BCL9: variants seen among roughly 807,000 people sequenced by gnomAD.
BCL9 encodes B-cell CLL/lymphoma 9 protein.
Under a neutral mutation model 88.5 loss-of-function variants are expected in BCL9, and 25 were observed. The observed-to-expected ratio is 0.28, with a 90% CI of 0.21 to 0.39. The LOEUF is 0.39. BCL9 is among the 10% of genes least tolerant of loss of function. The pLI is 1.00. For synonymous variants in BCL9, 711 were observed against 673.3 expected (o/e 1.06, Z -0.87); for missense variants, 1,817 against 1,877.8 (o/e 0.97, Z 0.60).
At chr1:147,548,975 CTTTCTTT>C (rs1654747106) in intron 1 of BCL9, among the ~76,000 whole-genome samples, 1 of 59,260 alleles carries the variant, frequency 1.7e-5, no homozygotes, top group Non-Finnish European at 3.1e-5. Flanking sequence ...CCTTTTCTTT[CTTTCTTT>C]TTTTTTTTTT....
At chr1:147,558,949 C>A (rs145005255) in intron 1 of BCL9, among the ~76,000 whole-genome samples, 1 of 152,158 alleles carries the variant, frequency 6.6e-6, no homozygotes, top group Non-Finnish European at 1.5e-5. Context: ...TCCTCCTCCC[C>A]CTACTTCATC....
chr1:147,585,379 T>C (rs1656555623), intron 1 of BCL9, among the ~76,000 whole-genome samples: 1 of 151,974 alleles, frequency 6.6e-6, no homozygotes, highest in African/African-American at 2.4e-5. Flanking sequence ...ACCTCAGGGG[T>C]GTGACATGTG....
intron 1 of BCL9, among the ~76,000 whole-genome samples, chr1:147,602,817 A>G (rs894161368): frequency 6.6e-6 from 1 of 152,188 alleles, no homozygotes; most frequent in South Asian, 2.1e-4. Context: ...GTGGGGGGAA[A>G]AGAATACAGA....
At chr1:147,555,504 A>T (rs1280886863) in intron 1 of BCL9, among the ~76,000 whole-genome samples, 2 of 152,246 alleles carry the variant, frequency 1.3e-5, no homozygotes, top group Non-Finnish European at 2.9e-5. Context: ...TTAATAACTA[A>T]CGATTTAGTT....
chr1:147,559,127 T>TC (rs1655252785), intron 1 of BCL9, among the ~76,000 whole-genome samples: 1 of 54,058 alleles, frequency 1.8e-5, no homozygotes, highest in South Asian at 8.8e-4. Flanking sequence ...TCTTTCTTCT[T>TC]CTTTTTTTTT....
chr1:147,607,386 A>G (rs1657773230), intron 3 of BCL9, among the ~76,000 whole-genome samples: 1 of 152,232 alleles, frequency 6.6e-6, no homozygotes. Context: ...TAGGCACTAT[A>G]GTAATTGCTG....
At chr1:147,623,013 C>A (rs1658724108) in intron 9 of BCL9, among the ~76,000 whole-genome samples, 1 of 151,786 alleles carries the variant, frequency 6.6e-6, no homozygotes, top group Non-Finnish European at 1.5e-5. Flanking sequence ...CTTCCCTTCC[C>A]TACACATTCG....
rs587706189 is a variant in BCL9 at position 147,551,123 on chromosome 1, A to C, written c.-478+9449A>C. 5.9e-5 allele frequency among the ~76,000 whole-genome samples: 9 copies of C among 152,348 alleles called. No individual in the cohort carries two copies. The East Asian group carries it at 1.7e-3, about 29-fold the overall frequency. ...ATTGAGTATTTGCTATGTGCCACAC[A>C]CTGAGCTAAACTCTTCCAGGCATTG... On this transcript the variant is annotated intron_variant, in intron 1 of 9. Transcript: ENST00000234739.
chr1:147,543,126 T>C (rs1025005959), intron 1 of BCL9, among the ~76,000 whole-genome samples: 1 of 152,232 alleles, frequency 6.6e-6, no homozygotes, highest in Non-Finnish European at 1.5e-5. Flanking sequence ...CTTAACAATT[T>C]TTTTTGAGGA....
chr1:147,572,349 G>A (rs1553197523), intron 1 of BCL9, among the ~76,000 whole-genome samples: 1 of 152,232 alleles, frequency 6.6e-6, no homozygotes, highest in Non-Finnish European at 1.5e-5. Flanking sequence ...TGGGGTATAA[G>A]ACTAAAGTCC....
intron 3 of BCL9, among the ~76,000 whole-genome samples, chr1:147,609,506 G>A (rs1306144512): frequency 6.6e-6 from 1 of 152,206 alleles, no homozygotes; most frequent in African/African-American, 2.4e-5. Flanking sequence ...CCTGGAAGAA[G>A]CCATTCACAC....
intron 1 of BCL9, among the ~76,000 whole-genome samples, chr1:147,593,444 T>A (rs1304606875): frequency 6.6e-6 from 1 of 152,190 alleles, no homozygotes; most frequent in African/African-American, 2.4e-5. Flanking sequence ...TCTTATTGCA[T>A]ACTCTGACTC....
In BCL9 at chr1:147,620,004, C is replaced by T; in HGVS notation, c.1849C>T (p.Arg617Ter). 6.2e-7 allele frequency: 1 copy of T among 1,614,102 alleles called. No individual in the cohort carries two copies. The highest frequency in any genetic ancestry group is 8.5e-7 in the Non-Finnish European group (1 of 1,180,026). The part of the protein sequence containing the change: ...PGQGIFSGPG[R>*]GERFPNPQGL... ...CCAGGGCATTTTCAGCGGTCCTGGC[C>T]GAGGGGAACGCTTCCCAAACCCCCA... The change falls in exon 8 of 10, where the codon CGA becomes TGA. Residue 617 changes from arginine (R) to a stop codon, truncating the protein, a stop_gained. Transcript: ENST00000234739. LOFTEE classifies it high-confidence loss of function.
intron 1 of BCL9, among the ~76,000 whole-genome samples, chr1:147,550,217 G>A (rs893850379): frequency 1.3e-5 from 2 of 152,170 alleles, no homozygotes; most frequent in African/African-American, 2.4e-5. Flanking sequence ...GGTAAAGGGA[G>A]ATGGGTAGGG....
chr1:147,552,311 T>G (rs587600844), intron 1 of BCL9, among the ~76,000 whole-genome samples: 9 of 152,280 alleles, frequency 5.9e-5, no homozygotes, highest in Admixed American at 2.0e-4. Context: ...TTGTAATGAC[T>G]GAATAATAGA....
At chr1:147,574,774 C>A (rs1553197894) in intron 1 of BCL9, among the ~76,000 whole-genome samples, 3 of 152,148 alleles carry the variant, frequency 2.0e-5, no homozygotes, top group Non-Finnish European at 4.4e-5. Context: ...GACCCAGCAG[C>A]CTTTGAAGGG....
At chr1:147,621,154 A>G in intron 8 of BCL9, 97 bp downstream of exon 8, 1 of 1,297,420 alleles carries the variant, frequency 7.7e-7, no homozygotes, top group Admixed American at 2.4e-5. Flanking sequence ...GTACACAGAC[A>G]GAGGAGGCAG....
Position 147,619,386 on chromosome 1 carries a change from G to A in BCL9, c.1231G>A (p.Ala411Thr). ...KPEGPIQAMMAQSQSLGKGPG... is the reference protein window; with the variant it reads ...KPEGPIQAMMTQSQSLGKGPG... ...AGAAGGGCCAATACAGGCCATGATG[G>A]CCCAATCCCAAAGCCTAGGTAAGGG... The change falls in exon 8 of 10, where the codon GCC becomes ACC. Residue 411 changes from alanine to threonine, a missense_variant. This residue lies in a region of BCL9 where 1,228 missense variants were observed against 1,191.6 expected (regional missense o/e 1.03). Transcript: ENST00000234739. The surrounding 1 kb of genome is among the most constrained non-coding windows in gnomAD (Gnocchi z 4.1). 1 of 1,614,094 alleles carries A rather than the reference G, an allele frequency of 6.2e-7. No individual in the cohort carries two copies. The highest frequency in any genetic ancestry group is 1.1e-5 in the South Asian group (1 of 91,078).
At chr1:147,603,979 AAC>A (rs1212883407) in intron 1 of BCL9, among the ~76,000 whole-genome samples, 1 of 152,262 alleles carries the variant, frequency 6.6e-6, no homozygotes, top group African/African-American at 2.4e-5. Flanking sequence ...GTTTCTTTAT[AAC>A]ACATTAAATA....
Sources: allele counts gnomAD v4.1 joint callset (sites outside exome capture counted in the v4.1 genomes callset), GRCh38; gene constraint gnomAD v4.1.1; regional missense constraint gnomAD v4.1.1; non-coding constraint Gnocchi (gnomAD v3.1); transcripts MANE v1.5; gene names NCBI Gene and HGNC (gene_info 2026-07-23, HGNC 2026-07-21).